The following COLQ variants were observed in gnomAD, a reference collection of about 807,000 sequenced individuals.
COLQ encodes the protein collagen like tail subunit of asymmetric acetylcholinesterase, also known as acetylcholinesterase collagenic tail peptide.
In COLQ, 48 loss-of-function variants were observed where a neutral mutation model predicts 69.0. That is an observed-to-expected ratio of 0.70 (90% CI 0.55 to 0.88). COLQ has a LOEUF of 0.88. COLQ is among the 40% of genes least tolerant of loss of function. COLQ has a pLI of 0.00. For synonymous variants in COLQ, 217 were observed against 211.2 expected, an observed-to-expected ratio of 1.03 and a Z score of -0.24; for missense variants, 618 against 594.6, an observed-to-expected ratio of 1.04 and a Z score of -0.41.
intron 3 of COLQ, among the ~76,000 whole-genome samples, chr3:15,484,896 A>G (rs1046188367): frequency 3.9e-5 from 6 of 152,174 alleles, no homozygotes; most frequent in South Asian, 4.1e-4. Context: ...TCTTCTCTCA[A>G]CTCATCAAAG....
rs1575483917 is a variant in COLQ, at chr3:15,489,633, A to G, written c.111T>C (p.Leu37=). 2 of 1,613,962 alleles carry G rather than the reference A, an allele frequency of 1.2e-6. No homozygotes were observed. Among genetic ancestry groups the G allele is most frequent in the Non-Finnish European group, 1.7e-6 (2 of 1,179,900 alleles). ...INSVLPISAA[L]PSLDQKKRGG... is the part of the protein sequence containing the mutation. Reference sequence around the variant, plus strand: ...CACGCTTCTTCTGATCCAGGCTGGGAAGGGCTGTTCAGAGAAAACTGCCGC... The same window carrying G: ...CACGCTTCTTCTGATCCAGGCTGGGGAGGGCTGTTCAGAGAAAACTGCCGC... Residue 37 remains leucine (L), a synonymous_variant, in exon 2 of 17, where the codon CTT becomes CTC. Transcript: ENST00000383788.
chr3:15,495,403 T>G (rs935993644), intron 1 of COLQ, among the ~76,000 whole-genome samples: 1 of 152,226 alleles, frequency 6.6e-6, no homozygotes, highest in Non-Finnish European at 1.5e-5. Flanking sequence ...ATTCTATAAT[T>G]GAGTACCTTA....
chr3:15,489,543 G>A lies in COLQ; in HGVS notation c.201C>T (p.Phe67=). 1 of 1,614,196 alleles carries A rather than the reference G, an allele frequency of 6.2e-7. No individual in the cohort carries two copies. Among genetic ancestry groups the A allele is most frequent in the Non-Finnish European group, 8.5e-7 (1 of 1,180,024 alleles). ...TACTCACCGGACTTCGGCCACCTCT[G>A]AAGAATGGTGGTGGGAACAGTGGTG... ...PPPPLFPPPF[F]RGGRSPLLSP... The change falls in exon 2 of 17, where the codon TTC becomes TTT. Residue 67 remains phenylalanine (F), a synonymous_variant. Transcript: ENST00000383788.
chr3:15,496,322 G>T (rs1220930251), intron 1 of COLQ: 2 of 155,072 alleles, frequency 1.3e-5, no homozygotes, highest in African/African-American at 4.8e-5. Context: ...TAGGAGCCTA[G>T]TTTATTTACA....
rs185188807 is a variant in COLQ at position 15,505,982 on chromosome 3, A to C, written c.106+15538T>G. ...CAGGATCTATTGTCCAAGGGTCCAC[A>C]ACAGGTGGGGAGGAGGGAGGCTGGG... On this transcript the variant is annotated intron_variant, in intron 1 of 16. Transcript: ENST00000383788. 3.1e-4 allele frequency among the ~76,000 whole-genome samples: 47 copies of C among 152,302 alleles called. No homozygotes were observed. In the East Asian group the frequency reaches 8.7e-3, roughly 28 times the overall value.
At chr3:15,457,186 T>C (rs2062038214) in intron 13 of COLQ, among the ~76,000 whole-genome samples, 1 of 152,124 alleles carries the variant, frequency 6.6e-6, no homozygotes, top group Non-Finnish European at 1.5e-5. Context: ...GGCAATGTCA[T>C]ATAGTCAAGT....
rs775885011 is a variant in COLQ, at chr3:15,474,228, C to T, written c.600G>A (p.Lys200=). The change falls in exon 9 of 17, where the codon AAG becomes AAA. Residue 200 remains lysine, a splice_region_variant and synonymous_variant. Transcript: ENST00000383788. ...EKGDLGPKGE[K]GFPGFPGMLG... Reference sequence around the variant, plus strand: ...TCTATGGAAAGGTTTTCTCCATTACCTTTTCTCCTTTGGGACCCAGGTCAC... The same window carrying T: ...TCTATGGAAAGGTTTTCTCCATTACTTTTTCTCCTTTGGGACCCAGGTCAC... 1.2e-6 allele frequency: 2 copies of T among 1,613,978 alleles called. No homozygotes were observed. Among genetic ancestry groups the T allele is most frequent in the Non-Finnish European group, 1.7e-6 (2 of 1,179,966 alleles).
rs771944316 is a variant in COLQ at position 15,458,198 on chromosome 3, C to T, written c.942G>A (p.Pro314=). Residue 314 remains proline (P), a synonymous_variant, in exon 13 of 17, where the codon CCG becomes CCA. Transcript: ENST00000383788. ...CAGAAAGCCTTACCACAGGAACTCGCGGGGAACTGGGCCCATACACAGATT... is the reference window on the plus strand; with the variant it reads ...CAGAAAGCCTTACCACAGGAACTCGTGGGGAACTGGGCCCATACACAGATT... The part of the protein sequence containing the change: ...YGESVYGPSS[P]RVPVIFVVNN... 1.5e-5 allele frequency: 25 copies of T among 1,613,648 alleles called. No individual in the cohort carries two copies. The highest frequency in any genetic ancestry group is 1.7e-4 in the Middle Eastern group (1 of 5,790).
chr3:15,457,319 C>T (rs1352371472), intron 13 of COLQ, among the ~76,000 whole-genome samples: 3 of 151,490 alleles, frequency 2.0e-5, no homozygotes, highest in Non-Finnish European at 2.9e-5. Context: ...AACACCAACA[C>T]TGGTTAAGTA....
chr3:15,461,943 G>T (rs955645947), intron 12 of COLQ, among the ~76,000 whole-genome samples: 1 of 151,938 alleles, frequency 6.6e-6, no homozygotes, highest in Admixed American at 6.6e-5. Context: ...AACCAATTTG[G>T]GGGGCCTAGT....
chr3:15,456,544 C>A lies in COLQ; in HGVS notation c.990G>T (p.Arg330Ser). The A allele has an allele frequency of 1.9e-6, 3 of 1,614,140 alleles. No homozygotes were observed. Among genetic ancestry groups the A allele is most frequent in the Non-Finnish European group, 2.5e-6 (3 of 1,180,024 alleles). ...AGGCAATGGCGTTTTGGGTGTTCAG[C>A]CTCTCAAGCTCCTCCTGGTTGTTGA... ...FVVNNQEELE[R>S]LNTQNAIAFR... Residue 330 changes from arginine to serine, a missense_variant, in exon 14 of 17, where the codon AGG becomes AGT. Transcript: ENST00000383788.
At chr3:15,503,562 C>T (rs924261488) in intron 1 of COLQ, among the ~76,000 whole-genome samples, 3 of 152,196 alleles carry the variant, frequency 2.0e-5, no homozygotes, top group South Asian at 2.1e-4. Context: ...TCACCTGTTA[C>T]AGCAGATAGC....
In COLQ at chr3:15,474,262, C is replaced by T; in HGVS notation, c.566G>A (p.Gly189Asp). 6.2e-7 allele frequency: 1 copy of T among 1,613,980 alleles called. No individual in the cohort carries two copies. The highest frequency in any genetic ancestry group is 8.5e-7 in the Non-Finnish European group (1 of 1,179,822). The change falls in exon 9 of 17, where the codon GGT becomes GAT. Residue 189 changes from glycine to aspartate, a missense_variant. Transcript: ENST00000383788. ...TTTGGGACCCAGGTCACCCTTTTCA[C>T]CTCTGGATCCCTAGGAAGAAACCAT... ...PGSRGEKGSRGEKGDLGPKGE... is the reference protein window; with the variant it reads ...PGSRGEKGSRDEKGDLGPKGE...
At chr3:15,472,283 A>G (rs1273355301) in intron 10 of COLQ, among the ~76,000 whole-genome samples, 3 of 152,184 alleles carry the variant, frequency 2.0e-5, no homozygotes, top group Non-Finnish European at 2.9e-5. Flanking sequence ...TTTCTCTTTT[A>G]ACACTTCCTT....
chr3:15,479,249 A>C, intron 4 of COLQ, 89 bp downstream of exon 4: 1 of 1,429,792 alleles, frequency 7.0e-7, no homozygotes, highest in Non-Finnish European at 9.9e-7. Context: ...ATGTTTGGAA[A>C]TCTCAACTAG....
chr3:15,499,695 T>C (rs1025151324), intron 1 of COLQ, among the ~76,000 whole-genome samples: 5 of 152,226 alleles, frequency 3.3e-5, no homozygotes, highest in Admixed American at 6.5e-5. Context: ...AAGTACCAAA[T>C]TGTGCAAGAC....
rs896388650 is a variant in COLQ, at chr3:15,458,213, A to G, written c.927T>C (p.Tyr309=). 1 of 1,613,916 alleles carries G rather than the reference A, an allele frequency of 6.2e-7. No homozygotes were observed. The highest frequency in any genetic ancestry group is 1.3e-5 in the African/African-American group (1 of 74,904). ...VNNPSYGESV[Y]GPSSPRVPVI... is the part of the protein sequence containing the mutation. ...CAGGAACTCGCGGGGAACTGGGCCCATACACAGATTCCCCGTAGGAAGGGT... is the reference window on the plus strand; with the variant it reads ...CAGGAACTCGCGGGGAACTGGGCCCGTACACAGATTCCCCGTAGGAAGGGT... Residue 309 remains tyrosine (Y), a synonymous_variant, in exon 13 of 17, where the codon TAT becomes TAC. Coordinates refer to ENST00000383788, the MANE Select transcript of COLQ (RefSeq NM_005677.4).
intron 12 of COLQ, among the ~76,000 whole-genome samples, chr3:15,461,998 CTTATTTA>C (rs2062124142): frequency 1.5e-5 from 2 of 137,914 alleles, no homozygotes; most frequent in Non-Finnish European, 3.1e-5. Context: ...ACAGGGATAA[CTTATTTA>C]TTTATTTATT....
In COLQ at chr3:15,479,143, GA is replaced by G. The variant is rs1351846666; in HGVS notation, c.367-141del. The G allele has an allele frequency of 2.5e-6, 3 of 1,185,920 alleles. No homozygotes were observed. The African/African-American group carries it at 4.5e-5, about 18-fold the overall frequency. 73.5% of individuals were successfully genotyped at this position (1,185,920 alleles called of 1,614,324 possible). A position where few individuals can be genotyped will look rare whatever the true frequency, so the allele number is the denominator to read the frequency against. ...CTGCTCACGGCCCCTCTGCCATGTC[GA>G]TAGGCCACGTCAAAATACACCAGTG... is the stretch of plus-strand genomic sequence containing the variant. On this transcript the variant is annotated intron_variant, in intron 4 of 16. Transcript: ENST00000383788.
Sources: allele counts gnomAD v4.1 joint callset (sites outside exome capture counted in the v4.1 genomes callset), GRCh38; gene constraint gnomAD v4.1.1; transcripts MANE v1.5; gene names NCBI Gene and HGNC (gene_info 2026-07-23, HGNC 2026-07-21).